STXBP5L: variants seen among roughly 807,000 people sequenced by gnomAD.
The protein encoded by STXBP5L is syntaxin binding protein 5L.
STXBP5L carries 65 observed loss-of-function variants against 144.5 expected under a neutral mutation model. The observed-to-expected ratio is 0.45, with a 90% CI of 0.37 to 0.55. The LOEUF (loss-of-function observed/expected upper bound fraction) is 0.55, where lower values mean the gene tolerates loss of function less well. Among genes scored for constraint, STXBP5L ranks in the 20% least tolerant of loss-of-function variants. The probability of loss-of-function intolerance (pLI) is 0.00; values close to 1 mark genes in which losing one functional copy is unlikely to be tolerated. For synonymous variants in STXBP5L, 505 were observed against 469.6 expected (o/e 1.08, Z -0.97); for missense variants, 1,298 against 1,405.5 (o/e 0.92, Z 1.22).
chr3:120,975,024 G>T (rs1430631627), intron 3 of STXBP5L, among the ~76,000 whole-genome samples: 5 of 152,036 alleles, frequency 3.3e-5, no homozygotes, highest in African/African-American at 1.2e-4. Flanking sequence ...TTGGCGATGC[G>T]GGCTCTTTTT....
intron 25 of STXBP5L, among the ~76,000 whole-genome samples, chr3:121,418,119 C>G (rs1413986298): frequency 6.6e-6 from 1 of 152,148 alleles, no homozygotes; most frequent in Non-Finnish European, 1.5e-5. Flanking sequence ...CACACACATA[C>G]AAAAGGCCTA....
intron 3 of STXBP5L, among the ~76,000 whole-genome samples, chr3:121,008,823 A>C (rs141524945): frequency 2.0e-5 from 3 of 152,176 alleles, no homozygotes; most frequent in African/African-American, 7.2e-5. Context: ...TTTCTGAGAT[A>C]GTGGTCCAGC....
intron 5 of STXBP5L, among the ~76,000 whole-genome samples, chr3:121,076,674 C>A (rs2042031774): frequency 6.6e-6 from 1 of 152,148 alleles, no homozygotes; most frequent in Non-Finnish European, 1.5e-5. Context: ...GGCCACCCTA[C>A]CTTAAGAGAT....
chr3:121,000,961 T>C (rs1258175970), intron 3 of STXBP5L, among the ~76,000 whole-genome samples: 1 of 152,220 alleles, frequency 6.6e-6, no homozygotes, highest in African/African-American at 2.4e-5. Flanking sequence ...GTTCTCTGGC[T>C]TCTCAAAGTT....
intron 20 of STXBP5L, among the ~76,000 whole-genome samples, chr3:121,346,101 C>T (rs1461145012): frequency 1.5e-5 from 2 of 133,828 alleles, no homozygotes; most frequent in Non-Finnish European, 1.6e-5. Flanking sequence ...CTATCCCTCT[C>T]CCCTCCCCCG....
chr3:121,136,465 C>T (rs1331693201), intron 7 of STXBP5L, among the ~76,000 whole-genome samples: 2 of 152,144 alleles, frequency 1.3e-5, no homozygotes, highest in Non-Finnish European at 2.9e-5. Context: ...CAGAATAAAC[C>T]TTAGTTGCAG....
intron 10 of STXBP5L, among the ~76,000 whole-genome samples, chr3:121,209,856 A>G (rs2048486997): frequency 6.6e-6 from 1 of 152,168 alleles, no homozygotes; most frequent in African/African-American, 2.4e-5. Flanking sequence ...GGTTGGCTCC[A>G]AGTCTTTGCT....
At chr3:121,417,913 AGAG>A (rs1389753723) in intron 25 of STXBP5L, among the ~76,000 whole-genome samples, 1 of 152,184 alleles carries the variant, frequency 6.6e-6, no homozygotes, top group Non-Finnish European at 1.5e-5. Context: ...AGAGAGAGAA[AGAG>A]AACCTGTGGC....
intron 5 of STXBP5L, among the ~76,000 whole-genome samples, chr3:121,095,553 T>A (rs540162947): frequency 6.6e-6 from 1 of 152,340 alleles, no homozygotes; most frequent in African/African-American, 2.4e-5. Flanking sequence ...CAATCACTGA[T>A]AACCTTTCTT....
chr3:121,030,761 G>A (rs369156138), intron 3 of STXBP5L, among the ~76,000 whole-genome samples: 1 of 152,030 alleles, frequency 6.6e-6, no homozygotes, highest in Non-Finnish European at 1.5e-5. Context: ...AGCCATCTGT[G>A]TATTAACATG....
intron 3 of STXBP5L, among the ~76,000 whole-genome samples, chr3:120,986,985 C>A (rs180915507): frequency 6.6e-6 from 1 of 151,670 alleles, no homozygotes; most frequent in African/African-American, 2.4e-5. Flanking sequence ...TAGTGGGAAT[C>A]CCAGAAAGAA....
At chr3:121,036,329 A>G (rs1339945582) in intron 3 of STXBP5L, among the ~76,000 whole-genome samples, 1 of 152,118 alleles carries the variant, frequency 6.6e-6, no homozygotes, top group African/African-American at 2.4e-5. Context: ...GTGAGACTCC[A>G]TCTTAAAAAA....
intron 3 of STXBP5L, among the ~76,000 whole-genome samples, chr3:121,007,237 C>T (rs1041457245): frequency 4.6e-5 from 7 of 151,844 alleles, no homozygotes; most frequent in African/African-American, 1.5e-4. Flanking sequence ...GTGATAAGCC[C>T]CCTTGATTAT....
At chr3:121,344,674 G>T (rs901691615) in intron 20 of STXBP5L, among the ~76,000 whole-genome samples, 6 of 151,972 alleles carry the variant, frequency 3.9e-5, no homozygotes, top group African/African-American at 1.4e-4. Context: ...CAAAGAGGAG[G>T]TTAAAGTACC....
chr3:120,923,398 C>T (rs1471687994), intron 2 of STXBP5L, among the ~76,000 whole-genome samples: 2 of 151,708 alleles, frequency 1.3e-5, no homozygotes, highest in Non-Finnish European at 2.9e-5. Flanking sequence ...ATTGTTCTTG[C>T]TCTTATAGTT....
intron 5 of STXBP5L, among the ~76,000 whole-genome samples, chr3:121,104,756 C>G (rs895491201): frequency 6.6e-6 from 1 of 152,094 alleles, no homozygotes; most frequent in African/African-American, 2.4e-5. Context: ...CAAGATGGAT[C>G]AAAGACTTAA....
intron 3 of STXBP5L, among the ~76,000 whole-genome samples, chr3:121,030,178 G>A (rs1946264260): frequency 6.6e-6 from 1 of 152,148 alleles, no homozygotes; most frequent in South Asian, 2.1e-4. Flanking sequence ...CCATTACTGG[G>A]TGTATACCCA....
At chr3:121,070,663 G>T (rs2041768940) in intron 5 of STXBP5L, among the ~76,000 whole-genome samples, 1 of 152,048 alleles carries the variant, frequency 6.6e-6, no homozygotes, top group South Asian at 2.1e-4. Context: ...AAGCCACCAA[G>T]AACAGACATA....
intron 9 of STXBP5L, among the ~76,000 whole-genome samples, chr3:121,168,118 C>A (rs76469856): frequency 4.6e-5 from 7 of 152,218 alleles, no homozygotes; most frequent in African/African-American, 1.7e-4. Flanking sequence ...AACTGACAAA[C>A]AGAAAGGAAG....
Sources: gnomAD v4.1 joint callset for allele counts (sites outside exome capture counted in the v4.1 genomes callset) on GRCh38, gnomAD v4.1.1 for gene constraint, MANE v1.5 for transcripts, NCBI Gene and HGNC (gene_info 2026-07-23, HGNC 2026-07-21) for gene names.